Variants in CFAP97 observed in about 807,000 individuals in gnomAD.
The protein encoded by CFAP97 is cilia and flagella associated protein 97, also known as cilia- and flagella-associated protein 97.
In CFAP97, 36 loss-of-function variants were observed where a neutral mutation model predicts 43.1. That is an observed-to-expected ratio of 0.84 (90% CI 0.64 to 1.10). The LOEUF (loss-of-function observed/expected upper bound fraction) is 1.10, where lower values mean the gene tolerates loss of function less well. Among genes scored for constraint, CFAP97 ranks in the 50% least tolerant of loss-of-function variants. CFAP97 has a pLI of 0.00. For synonymous variants in CFAP97, 228 were observed against 225.7 expected, an observed-to-expected ratio of 1.01 and a Z score of -0.09; for missense variants, 657 against 620.3, an observed-to-expected ratio of 1.06 and a Z score of -0.63.
chr4:185,204,445 A>T (rs1399655082), upstream of CFAP97: 3 of 152,236 alleles, frequency 2.0e-5, no homozygotes, highest in Non-Finnish European at 2.9e-5. Flanking sequence ...GAATGGAAAG[A>T]CCTTTGCCGA....
upstream of CFAP97, among the ~76,000 whole-genome samples, chr4:185,205,991 T>G (rs1054462176): frequency 6.6e-6 from 1 of 152,114 alleles, no homozygotes; most frequent in Non-Finnish European, 1.5e-5. Context: ...ACCGATGGCT[T>G]TAGTCAAAAA....
At chr4:185,195,136 T>C (rs1253124748) in intron 1 of CFAP97, among the ~76,000 whole-genome samples, 1 of 151,904 alleles carries the variant, frequency 6.6e-6, no homozygotes, top group Non-Finnish European at 1.5e-5. Flanking sequence ...TAAGCACATA[T>C]CTGCCAAAAA....
intron 3 of CFAP97, among the ~76,000 whole-genome samples, chr4:185,174,977 T>C (rs1365632144): frequency 6.6e-6 from 1 of 152,242 alleles, no homozygotes; most frequent in Admixed American, 6.5e-5. Flanking sequence ...TCAAACTATA[T>C]GATTTGTAAC....
chr4:185,160,858 CT>C lies in CFAP97; in HGVS notation c.*1939del, dbSNP rs1050553236. 6.9e-6 allele frequency: 1 copy of C among 145,690 alleles called. No individual in the cohort carries two copies. Among genetic ancestry groups the C allele is most frequent in the Non-Finnish European group, 1.5e-5 (1 of 66,258 alleles). 9.0% of individuals were successfully genotyped at this position (145,690 alleles called of 1,614,324 possible). ...ATAATCTTTATATATATATAAAAAT[CT>C]TTTTTAAAAGATTTTTAAAATAAAA... On this transcript the variant is annotated 3_prime_UTR_variant, in exon 5 of 5. Transcript: ENST00000458385.
chr4:185,186,575 T>C (rs1344585633), intron 2 of CFAP97, among the ~76,000 whole-genome samples: 2 of 152,360 alleles, frequency 1.3e-5, no homozygotes, highest in Admixed American at 6.5e-5. Flanking sequence ...GCCAATGATA[T>C]ATAGATTATA....
chr4:185,193,159 T>C (rs951099874), intron 1 of CFAP97, among the ~76,000 whole-genome samples: 1 of 152,178 alleles, frequency 6.6e-6, no homozygotes, highest in Non-Finnish European at 1.5e-5. Flanking sequence ...GAAAGCACAA[T>C]ATTCACAAAT....
intron 2 of CFAP97, among the ~76,000 whole-genome samples, chr4:185,176,933 C>T (rs1439015843): frequency 6.6e-6 from 1 of 152,112 alleles, no homozygotes; most frequent in Non-Finnish European, 1.5e-5. Flanking sequence ...CATTTTATTC[C>T]TGATTAAACA....
rs1734914245 is a variant in CFAP97 at position 185,162,711 on chromosome 4, T to C, written c.*87A>G. 5 of 1,390,518 alleles carry C rather than the reference T, an allele frequency of 3.6e-6. No homozygotes were observed. In the Admixed American group the frequency reaches 7.9e-5, roughly 22 times the overall value. 86.1% of individuals were successfully genotyped at this position (1,390,518 alleles called of 1,614,324 possible). A position where few individuals can be genotyped will look rare whatever the true frequency, so the allele number is the denominator to read the frequency against. On this transcript the variant is annotated 3_prime_UTR_variant, in exon 5 of 5. Coordinates refer to ENST00000458385, the MANE Select transcript of CFAP97 (RefSeq NM_020827.3). ...ACACCTTCAATTGCTAAAACGGTAT[T>C]CTAGATGTTTACACAGAGAATTATA...
In CFAP97 at chr4:185,162,638, T is replaced by C; in HGVS notation, c.*160A>G. On this transcript the variant is annotated 3_prime_UTR_variant, in exon 5 of 5. Coordinates refer to ENST00000458385, the MANE Select transcript of CFAP97 (RefSeq NM_020827.3). ...ACACTTTTTACATTAAATCGTTTTT[T>C]GACAATAATTTTGCACTGAATAACA... 4 of 731,546 alleles carry C rather than the reference T, an allele frequency of 5.5e-6. No individual in the cohort carries two copies. The South Asian group carries it at 7.7e-5, about 14-fold the overall frequency. The allele number at this position is 731,546 out of a possible 1,614,324, so 45.3% of individuals were successfully genotyped here. A position where few individuals can be genotyped will look rare whatever the true frequency, so the allele number is the denominator to read the frequency against.
chr4:185,170,246 C>T (rs186579541), intron 3 of CFAP97: 12 of 639,872 alleles, frequency 1.9e-5, no homozygotes, highest in East Asian at 1.9e-4. Flanking sequence ...CTTGGGAGGC[C>T]GAGGCAGGAG....
rs1417705251 is a variant in CFAP97, at chr4:185,193,048, AC to A, written c.-16-1837del. On this transcript the variant is annotated intron_variant, in intron 1 of 4. Coordinates refer to ENST00000458385, the MANE Select transcript of CFAP97 (RefSeq NM_020827.3). ...AGCCACCGCGCCCCACCCAGAATTG[AC>A]CTTCTAATACTATTCTCCACTAAAA... Among the ~76,000 whole-genome samples, 3 of 152,026 alleles carry A rather than the reference AC, an allele frequency of 2.0e-5. No homozygotes were observed. In the East Asian group the frequency reaches 5.8e-4, roughly 29 times the overall value.
intron 2 of CFAP97, among the ~76,000 whole-genome samples, chr4:185,188,758 C>A (rs1204365637): frequency 6.6e-6 from 1 of 151,932 alleles, no homozygotes; most frequent in Non-Finnish European, 1.5e-5. Flanking sequence ...GAATTGAGGG[C>A]ATGAATAGAA....
rs371375696 is a variant in CFAP97, at chr4:185,191,066, A to G, written c.131T>C (p.Ile44Thr). 1.6e-4 allele frequency: 252 copies of G among 1,613,206 alleles called. No homozygotes were observed. The highest frequency in any genetic ancestry group is 2.0e-4 in the Non-Finnish European group (236 of 1,179,696). The change falls in exon 2 of 5, where the codon ATA becomes ACA. Residue 44 changes from isoleucine (I) to threonine (T), a missense_variant. Physicochemically the swap from Ile to Thr is moderately conservative, Grantham distance 89. Coordinates refer to ENST00000458385, the MANE Select transcript of CFAP97 (RefSeq NM_020827.3). ...DKQNDDPKER[I>T]DKDTKNVNSN... Reference sequence around the variant, plus strand: ...ATTTACATTTTTTGTATCTTTATCTATTCTTTCCTTTGGGTCATCATTTTG... The same window carrying G: ...ATTTACATTTTTTGTATCTTTATCTGTTCTTTCCTTTGGGTCATCATTTTG...
chr4:185,209,206 C>T lies in CFAP97; in HGVS notation c.-74+119G>A, dbSNP rs572435092. On this transcript the variant is annotated intron_variant, in intron 1 of 2. Coordinates refer to the CFAP97 transcript ENST00000503223. This position sits in a 1 kb window ranked among gnomAD's most constrained non-coding sequence, Gnocchi z 5.2. ...CGTTAGAAACTGTGACAGGGAGTCT[C>T]GGGAACGGTTGCCTATTTAAATAGC... 4 of 152,284 alleles carry T rather than the reference C, an allele frequency of 2.6e-5. No individual in the cohort carries two copies. In the South Asian group the frequency reaches 8.3e-4, roughly 32 times the overall value. 9.4% of individuals were successfully genotyped at this position (152,284 alleles called of 1,614,324 possible).
chr4:185,169,781 G>A, intron 3 of CFAP97: 1 of 985,434 alleles, frequency 1.0e-6, no homozygotes, highest in African/African-American at 1.7e-5. Context: ...CCCCACACAG[G>A]CAGAATCAAG....
At chr4:185,177,388 G>A (rs1231135769) in intron 2 of CFAP97, among the ~76,000 whole-genome samples, 1 of 148,538 alleles carries the variant, frequency 6.7e-6, no homozygotes, top group Non-Finnish European at 1.5e-5. Flanking sequence ...ACTCCAGCCT[G>A]AGCAACAGAG....
upstream of CFAP97, among the ~76,000 whole-genome samples, chr4:185,205,785 C>T (rs764966571): frequency 9.2e-5 from 14 of 152,168 alleles, no homozygotes; most frequent in African/African-American, 2.2e-4. Flanking sequence ...GCTGAGATCA[C>T]GCCATTGTAC....
At chr4:185,194,556 C>T (rs538607644) in intron 1 of CFAP97, among the ~76,000 whole-genome samples, 1 of 152,270 alleles carries the variant, frequency 6.6e-6, no homozygotes, top group East Asian at 1.9e-4. Flanking sequence ...GAAACAGGTC[C>T]TCACTCCATC....
At chr4:185,189,311 C>T (rs1736131403) in intron 2 of CFAP97, among the ~76,000 whole-genome samples, 1 of 152,156 alleles carries the variant, frequency 6.6e-6, no homozygotes, top group Admixed American at 6.5e-5. Context: ...TCAATTTGAC[C>T]ATTTTCTACT....
Sources: allele counts gnomAD v4.1 joint callset (sites outside exome capture counted in the v4.1 genomes callset), GRCh38; gene constraint gnomAD v4.1.1; non-coding constraint Gnocchi (gnomAD v3.1); transcripts MANE v1.5; gene names NCBI Gene and HGNC (gene_info 2026-07-23, HGNC 2026-07-21).